PINLYP: variants seen among roughly 807,000 people sequenced by gnomAD.
The protein encoded by PINLYP is phospholipase A2 inhibitor and Ly6/PLAUR domain-containing protein.
PINLYP carries 12 observed loss-of-function variants against 15.8 expected under a neutral mutation model. The observed-to-expected ratio is 0.76, with a 90% confidence interval of 0.49 to 1.23. The LOEUF (loss-of-function observed/expected upper bound fraction) is 1.23. PINLYP is among the 50% of genes most tolerant of loss of function. PINLYP has a pLI of 0.00. For missense variants in PINLYP, 278 were observed against 264.2 expected, an observed-to-expected ratio of 1.05 and a Z score of -0.36; for synonymous variants, 93 against 97.7, an observed-to-expected ratio of 0.95 and a Z score of 0.28.
chr19:43,580,211 C>G (rs1243287657), intron 3 of PINLYP, among the ~76,000 whole-genome samples: 3 of 152,038 alleles, frequency 2.0e-5, no homozygotes, highest in Non-Finnish European at 1.5e-5. Context: ...AGAGAACCCC[C>G]ATCCCGGCAT....
At chr19:43,577,347 A>G (rs2682586) in intron 2 of PINLYP, 86 bp downstream of exon 2, 1,018,629 of 1,315,628 alleles carry the variant, frequency 0.77, 392,016 homozygotes, top group East Asian at 0.87. Context: ...TAGAGAGAGA[A>G]AGAGCCTTCA....
At chr19:43,579,958 G>A (rs1972910166) in intron 3 of PINLYP, among the ~76,000 whole-genome samples, 1 of 151,988 alleles carries the variant, frequency 6.6e-6, no homozygotes, top group Non-Finnish European at 1.5e-5. Context: ...GACCACCCCA[G>A]ACCTGAAAAA....
At chr19:43,576,949 T>A in intron 1 of PINLYP, 30 bp downstream of exon 1, 1 of 561,524 alleles carries the variant, frequency 1.8e-6, no homozygotes, top group South Asian at 2.9e-5. Context: ...ACTTTCTGGG[T>A]TCTAATAGAA....
At chr19:43,575,731 G>C (rs1972854234), upstream of PINLYP, 1 of 365,112 alleles carries the variant, frequency 2.7e-6, no homozygotes, top group African/African-American at 2.1e-5. Context: ...CCCCGCTCTA[G>C]CCTCGCCTCC....
chr19:43,581,562 GT>G lies in PINLYP; in HGVS notation c.342del (p.Leu116Ter), dbSNP rs1972932959. The G allele has an allele frequency of 6.5e-7, 1 of 1,534,760 alleles. No homozygotes were observed. ...ACCTTACACTTCATCCTCATCCTCA[GT>G]TCCCTTGACCAATCTTACTGAGAAT... On this transcript the variant is annotated frameshift_variant and splice_region_variant, in exon 5 of 6. Transcript: ENST00000599207. LOFTEE classifies it high-confidence loss of function.
upstream of PINLYP, chr19:43,575,776 G>T (rs3213244): frequency 4.2e-3 from 1,270 of 304,844 alleles, 5 homozygotes; most frequent in Middle Eastern, 6.3e-3. Flanking sequence ...TGGGAGCCTA[G>T]CAACAGAAGC....
At chr19:43,579,427 A>G (rs1406846021) in intron 3 of PINLYP, among the ~76,000 whole-genome samples, 1 of 151,422 alleles carries the variant, frequency 6.6e-6, no homozygotes, top group African/African-American at 2.4e-5. Context: ...TGTATTTTTT[A>G]GTAGAGACGG....
exon 3 of PINLYP, chr19:43,578,696 G>C: frequency 5.2e-6 from 8 of 1,535,788 alleles, no homozygotes; most frequent in Non-Finnish European, 7.0e-6. Flanking sequence ...TGGTCGGGAA[G>C]GCTACTTCAA....
At chr19:43,575,553 C>T, upstream of PINLYP, 1 of 1,393,956 alleles carries the variant, frequency 7.2e-7, no homozygotes, top group South Asian at 1.3e-5. Context: ...GCGCCCTGCG[C>T]TGGCTAAAGT....
chr19:43,577,191 C>G, exon 2 of PINLYP: 1 of 1,536,074 alleles, frequency 6.5e-7, no homozygotes, highest in Non-Finnish European at 8.7e-7. Context: ...ATACACACAC[C>G]ATGAGGCTCT....
upstream of PINLYP, chr19:43,575,619 G>T: frequency 3.3e-6 from 2 of 598,700 alleles, no homozygotes; most frequent in Admixed American, 6.8e-5. Flanking sequence ...CGCCGGCGTC[G>T]ACACTGCGCA....
intron 4 of PINLYP, 98 bp from the exon 5 acceptor site, chr19:43,581,465 G>A: frequency 2.0e-6 from 3 of 1,509,314 alleles, no homozygotes; most frequent in Non-Finnish European, 2.7e-6. Context: ...GTAAAATGCA[G>A]TGTCTATTAG....
At chr19:43,575,537 C>T (rs1244097309), upstream of PINLYP, 3 of 1,372,716 alleles carry the variant, frequency 2.2e-6, no homozygotes, top group Non-Finnish European at 2.0e-6. Context: ...TGGGAGGGGG[C>T]GGGGTGCGCC....
intron 3 of PINLYP, chr19:43,580,769 G>C: frequency 5.7e-6 from 5 of 871,156 alleles, no homozygotes; most frequent in Non-Finnish European, 6.9e-6. Context: ...CCATGCACCA[G>C]ACAGATTTGG....
intron 2 of PINLYP, among the ~76,000 whole-genome samples, chr19:43,577,780 C>T (rs1240728100): frequency 1.3e-5 from 2 of 151,952 alleles, no homozygotes; most frequent in Admixed American, 1.3e-4. Flanking sequence ...GTGGTGGGCG[C>T]CTGTAATCCT....
intron 3 of PINLYP, among the ~76,000 whole-genome samples, chr19:43,580,856 C>T (rs1027926896): frequency 2.6e-5 from 4 of 152,140 alleles, no homozygotes; most frequent in African/African-American, 9.7e-5. Context: ...AATCCCAGCA[C>T]TTTGGGAGGC....
At chr19:43,576,037 G>A (rs1972858249) in exon 1 of PINLYP, 1 of 152,100 alleles carries the variant, frequency 6.6e-6, no homozygotes, top group Non-Finnish European at 1.5e-5. Context: ...AAGTAGCTGG[G>A]ATTACACGCA....
intron 3 of PINLYP, 162 bp downstream of exon 3, chr19:43,578,868 G>T: frequency 1.7e-6 from 1 of 605,924 alleles, no homozygotes; most frequent in East Asian, 2.9e-5. Flanking sequence ...GAGATGGAGG[G>T]AACAGAAATA....
chr19:43,581,870 A>G lies in PINLYP; in HGVS notation c.484A>G (p.Ile162Val). Reference sequence around the variant, plus strand: ...CCAGTCTGAAATCTCCCTTTCAGGTATTTTCAAACCCAGATTTGCTATGCG... The same window carrying G: ...CCAGTCTGAAATCTCCCTTTCAGGTGTTTTCAAACCCAGATTTGCTATGCG... The change falls in exon 6 of 6, where the codon ATT becomes GTT. Residue 162 changes from isoleucine to valine, a missense_variant and splice_region_variant. By Grantham distance (29) the Ile-to-Val change is conservative (BLOSUM62 3). Transcript: ENST00000599207. 2.0e-6 allele frequency: 3 copies of G among 1,536,696 alleles called. No homozygotes were observed. The highest frequency in any genetic ancestry group is 8.7e-7 in the Non-Finnish European group (1 of 1,147,030).
Sources: gnomAD v4.1 joint callset for allele counts (sites outside exome capture counted in the v4.1 genomes callset) on GRCh38, gnomAD v4.1.1 for gene constraint, MANE v1.5 for transcripts, NCBI Gene and HGNC (gene_info 2026-07-23, HGNC 2026-07-21) for gene names.